Variants in CDH12 observed in about 807,000 individuals in gnomAD.
CDH12 encodes the protein cadherin-12.
Under a neutral mutation model 74.1 loss-of-function variants are expected in CDH12, and 41 were observed. The ratio of observed to expected loss-of-function variants is 0.55; its 90% CI spans 0.43 to 0.72. The LOEUF (loss-of-function observed/expected upper bound fraction) is 0.72, where lower values mean the gene tolerates loss of function less well. Among genes scored for constraint, CDH12 ranks in the 30% least tolerant of loss-of-function variants. The pLI is 0.00. For synonymous variants in CDH12, 399 were observed against 355.0 expected (o/e 1.12, Z -1.39); for missense variants, 945 against 977.2 (o/e 0.97, Z 0.44).
intron 2 of CDH12, among the ~76,000 whole-genome samples, chr5:22,461,576 TAC>T (rs540064164): frequency 6.6e-6 from 1 of 151,782 alleles, no homozygotes; most frequent in Non-Finnish European, 1.5e-5. Context: ...CACAGTAAGG[TAC>T]AGAATAATGT....
chr5:22,320,485 T>C (rs1738826770), intron 3 of CDH12, among the ~76,000 whole-genome samples: 1 of 152,132 alleles, frequency 6.6e-6, no homozygotes. Context: ...AAAATAAAGG[T>C]CTCAGATTTT....
intron 10 of CDH12, among the ~76,000 whole-genome samples, chr5:21,797,328 C>T (rs1017320818): frequency 8.5e-5 from 13 of 152,082 alleles, no homozygotes; most frequent in African/African-American, 2.7e-4. Context: ...GCATATCTAA[C>T]CATGTCGAGT....
intron 1 of CDH12, among the ~76,000 whole-genome samples, chr5:22,642,197 C>G (rs2126872018): frequency 6.6e-6 from 1 of 152,264 alleles, no homozygotes; most frequent in Admixed American, 6.5e-5. Flanking sequence ...TCATTCATAA[C>G]TAAAATAATA....
chr5:21,966,001 A>G (rs1211278630), intron 6 of CDH12, among the ~76,000 whole-genome samples: 1 of 152,128 alleles, frequency 6.6e-6, no homozygotes, highest in Non-Finnish European at 1.5e-5. Context: ...TAACATTGAA[A>G]GACTGTGTTT....
chr5:22,225,587 C>T (rs1038374987), intron 3 of CDH12, among the ~76,000 whole-genome samples: 2 of 152,060 alleles, frequency 1.3e-5, no homozygotes, highest in Admixed American at 6.6e-5. Flanking sequence ...AAATGGATAA[C>T]CTTTTCTTTC....
chr5:22,816,284 C>A (rs1026502719), intron 1 of CDH12, among the ~76,000 whole-genome samples: 1 of 152,146 alleles, frequency 6.6e-6, no homozygotes, highest in African/African-American at 2.4e-5. Flanking sequence ...AATTGAGGCA[C>A]CGGAAGTTAA....
At chr5:22,783,285 A>G (rs1747472031) in intron 1 of CDH12, among the ~76,000 whole-genome samples, 1 of 151,362 alleles carries the variant, frequency 6.6e-6, no homozygotes, top group Non-Finnish European at 1.5e-5. Flanking sequence ...GTTTATAAAT[A>G]CATGAGACAC....
chr5:22,717,797 T>C (rs186424462), intron 1 of CDH12, among the ~76,000 whole-genome samples: 33 of 152,288 alleles, frequency 2.2e-4, no homozygotes, highest in African/African-American at 3.6e-4. Flanking sequence ...AGGTTTGCAA[T>C]TGGGGGACCA....
chr5:21,914,547 A>T (rs1367341370), intron 6 of CDH12, among the ~76,000 whole-genome samples: 1 of 152,144 alleles, frequency 6.6e-6, no homozygotes, highest in Non-Finnish European at 1.5e-5. Context: ...GATTTTATTG[A>T]ATTGGCTCAT....
intron 2 of CDH12, among the ~76,000 whole-genome samples, chr5:22,454,593 C>T (rs1745191101): frequency 6.6e-6 from 1 of 152,142 alleles, no homozygotes; most frequent in Admixed American, 6.5e-5. Context: ...CATGCCTCAG[C>T]CTCCTGAGCA....
intron 4 of CDH12, among the ~76,000 whole-genome samples, chr5:22,166,746 C>T (rs1748705924): frequency 6.6e-6 from 1 of 152,078 alleles, no homozygotes; most frequent in Non-Finnish European, 1.5e-5. Flanking sequence ...AATGCTGTTT[C>T]TCTAATATAT....
intron 3 of CDH12, among the ~76,000 whole-genome samples, chr5:22,273,013 G>T (rs1736469007): frequency 6.6e-6 from 1 of 152,092 alleles, no homozygotes; most frequent in South Asian, 2.1e-4. Context: ...ATCAACTCTT[G>T]TGTGACTCAC....
chr5:22,654,774 G>T (rs1580855706), intron 1 of CDH12, among the ~76,000 whole-genome samples: 1 of 151,664 alleles, frequency 6.6e-6, no homozygotes, highest in East Asian at 2.0e-4. Flanking sequence ...ACCTTTACAG[G>T]CATGCACCAC....
At chr5:22,629,081 T>C (rs925694940) in intron 1 of CDH12, among the ~76,000 whole-genome samples, 14 of 151,774 alleles carry the variant, frequency 9.2e-5, no homozygotes, top group African/African-American at 3.4e-4. Flanking sequence ...AGAAAAATAA[T>C]GAGTTACAAA....
intron 8 of CDH12, among the ~76,000 whole-genome samples, chr5:21,827,073 C>A (rs1338691514): frequency 6.6e-6 from 1 of 152,028 alleles, no homozygotes; most frequent in Non-Finnish European, 1.5e-5. Flanking sequence ...GTAGAACCTA[C>A]TATCAGTCTA....
In CDH12 at chr5:21,802,593, C is replaced by CTTTTTTTTTTTTTTT. The variant is rs35742047; in HGVS notation, c.1003-188_1003-174dup. On this transcript the variant is annotated intron_variant, in intron 9 of 14. Transcript: ENST00000382254. ...AGCACAAGGCAAACCATTTTTTTTT[C>CTTTTTTTTTTTTTTT]TTTTTTTTTTTTTTTTGAGACAGAG... Among the ~76,000 whole-genome samples, 21 of 120,200 alleles carry CTTTTTTTTTTTTTTT rather than the reference C, an allele frequency of 1.7e-4. 3 individuals carry two copies. The highest frequency in any genetic ancestry group is 3.1e-4 in the Non-Finnish European group (19 of 60,944). The allele number at this position is 120,200 out of a possible 152,430, so 78.9% of individuals were successfully genotyped here. A position where few individuals can be genotyped will look rare whatever the true frequency, so the allele number is the denominator to read the frequency against.
At chr5:22,077,182 G>C (rs1287795271) in intron 5 of CDH12, among the ~76,000 whole-genome samples, 2 of 151,922 alleles carry the variant, frequency 1.3e-5, no homozygotes, top group Admixed American at 1.3e-4. Context: ...TAGGTGCCCT[G>C]CAAAAATCAT....
intron 12 of CDH12, among the ~76,000 whole-genome samples, chr5:21,764,322 A>C (rs139747438): frequency 0.034 from 5,115 of 151,706 alleles, 247 homozygotes; most frequent in African/African-American, 0.11. Flanking sequence ...TGCAGTGAGC[A>C]GAGATCAGGC....
intron 1 of CDH12, among the ~76,000 whole-genome samples, chr5:22,714,696 G>A (rs536019455): frequency 1.4e-4 from 21 of 152,192 alleles, no homozygotes; most frequent in African/African-American, 4.1e-4. Flanking sequence ...TATCCCAATA[G>A]GCCCGCCTAA....
Sources: allele counts gnomAD v4.1 joint callset (sites outside exome capture counted in the v4.1 genomes callset), GRCh38; gene constraint gnomAD v4.1.1; transcripts MANE v1.5; gene names NCBI Gene and HGNC (gene_info 2026-07-23, HGNC 2026-07-21).